The following FAM184A variants were observed in gnomAD, a reference collection of about 807,000 sequenced individuals.
FAM184A encodes family with sequence similarity 184 member A.
In FAM184A, 99 loss-of-function variants were observed where a neutral mutation model predicts 143.8. The observed-to-expected ratio is 0.69, with a 90% CI of 0.58 to 0.81. The LOEUF is 0.81. FAM184A is among the 40% of genes least tolerant of loss of function. The probability of loss-of-function intolerance (pLI) is 0.00; values close to 1 mark genes in which losing one functional copy is unlikely to be tolerated. For synonymous variants in FAM184A, 427 were observed against 446.4 expected (o/e 0.96, Z 0.55); for missense variants, 1,217 against 1,310.5 (o/e 0.93, Z 1.10).
intron 1 of FAM184A, among the ~76,000 whole-genome samples, chr6:119,119,228 T>C (rs539069745): frequency 6.6e-6 from 1 of 152,382 alleles, no homozygotes; most frequent in East Asian, 1.9e-4. Flanking sequence ...GCCCCGGTCC[T>C]GTGGTCCTGC....
At chr6:119,019,884 T>C in intron 4 of FAM184A, 94 bp downstream of exon 4, 4 of 1,131,420 alleles carry the variant, frequency 3.5e-6, no homozygotes, top group Non-Finnish European at 5.0e-6. Context: ...GTATTGTTAC[T>C]GGGGAGTAGC....
rs1293975414 is a variant in FAM184A at position 119,002,976 on chromosome 6, G to A, written c.2011C>T (p.Leu671Phe). 7 of 1,612,994 alleles carry A rather than the reference G, an allele frequency of 4.3e-6. No individual in the cohort carries two copies. The highest frequency in any genetic ancestry group is 5.1e-6 in the Non-Finnish European group (6 of 1,179,576). The change falls in exon 9 of 18, where the codon CTT becomes TTT. Residue 671 changes from leucine to phenylalanine, a missense_variant. By Grantham distance (22) the Leu-to-Phe change is conservative. Transcript: ENST00000338891. ...EEDKKSAMSQ[L>F]LQLKDREKNA... ...TTCTCTCGATCTTTCAACTGCAAAA[G>A]TTGAGACATTGCTGACTTCTTATCC...
intron 1 of FAM184A, among the ~76,000 whole-genome samples, chr6:119,065,731 G>T (rs542991496): frequency 2.0e-5 from 3 of 152,144 alleles, no homozygotes; most frequent in South Asian, 4.2e-4. Context: ...TCAGATCTGA[G>T]ATTTCTCAAA....
chr6:118,970,008 A>ATATATATATTTTTTTT, intron 14 of FAM184A, among the ~76,000 whole-genome samples: 2 of 19,050 alleles, frequency 1.0e-4, no homozygotes, highest in East Asian at 3.0e-3. Flanking sequence ...ATATATATAT[A>ATATATATATTTTTTTT]TTTTTTTTTT....
chr6:118,969,885 A>G (rs1380388816), intron 14 of FAM184A, among the ~76,000 whole-genome samples: 1 of 140,390 alleles, frequency 7.1e-6, no homozygotes, highest in Non-Finnish European at 1.5e-5. Context: ...CTTATGAGTG[A>G]GAACATGTGG....
At chr6:119,128,007 A>G (rs1789419822) in intron 1 of FAM184A, among the ~76,000 whole-genome samples, 1 of 152,166 alleles carries the variant, frequency 6.6e-6, no homozygotes, top group Non-Finnish European at 1.5e-5. Context: ...AACCTGAAAC[A>G]CTAGTTCAGG....
intron 3 of FAM184A, 97 bp downstream of exon 3, chr6:119,022,848 G>C: frequency 6.8e-7 from 1 of 1,469,250 alleles, no homozygotes; most frequent in Non-Finnish European, 9.3e-7. Context: ...CTGCACTCCC[G>C]TCTGGGCGAC....
At chr6:119,136,305 AAAG>A (rs1250523742) in intron 1 of FAM184A, among the ~76,000 whole-genome samples, 2 of 151,624 alleles carry the variant, frequency 1.3e-5, no homozygotes, top group African/African-American at 4.8e-5. Context: ...AAAAAAAAAA[AAAG>A]AATATTTCCA....
chr6:118,975,197 G>C lies in FAM184A; in HGVS notation c.2595C>G (p.His865Gln). ...IDISRRQSKE[H>Q]ICRITDLQEE... ...CTTGTAGATCTGTAATTCTACATAT[G>C]TGCTCCTTACTCTGTTAAAAAAAAA... Residue 865 changes from histidine to glutamine, a missense_variant, in exon 13 of 18, where the codon CAC (histidine) becomes CAG (glutamine). Physicochemically the swap from His to Gln is conservative, Grantham distance 24. Coordinates refer to ENST00000338891, the MANE Select transcript of FAM184A (RefSeq NM_024581.6). 6.3e-7 allele frequency: 1 copy of C among 1,582,202 alleles called. No homozygotes were observed. The highest frequency in any genetic ancestry group is 8.6e-7 in the Non-Finnish European group (1 of 1,165,712).
chr6:119,078,647 C>G lies in FAM184A; in HGVS notation c.-348G>C, dbSNP rs1201062644. The G allele has an allele frequency of 1.1e-5, 2 of 179,692 alleles. No individual in the cohort carries two copies. The highest frequency in any genetic ancestry group is 2.3e-5 in the Non-Finnish European group (2 of 86,298). 11.1% of individuals were successfully genotyped at this position (179,692 alleles called of 1,614,324 possible). A position where few individuals can be genotyped will look rare whatever the true frequency, so the allele number is the denominator to read the frequency against. ...CGCGGGTCCCGCTCGCAGCCCGCAC[C>G]GAGGACTCGGCGAGGCTGCGGAGGG... is the stretch of plus-strand genomic sequence containing the variant. On this transcript the variant is annotated 5_prime_UTR_variant, in exon 1 of 18. Coordinates refer to ENST00000338891, the MANE Select transcript of FAM184A (RefSeq NM_024581.6). This position sits in a 1 kb window ranked among gnomAD's most constrained non-coding sequence, Gnocchi z 5.5.
At chr6:119,142,741 G>A (rs889133706) in intron 1 of FAM184A, among the ~76,000 whole-genome samples, 5 of 152,258 alleles carry the variant, frequency 3.3e-5, no homozygotes, top group Admixed American at 6.5e-5. Flanking sequence ...GTGTCTCCCC[G>A]AAAGATATGT....
chr6:119,005,987 C>T, intron 7 of FAM184A: 1 of 644,226 alleles, frequency 1.6e-6, no homozygotes, highest in Non-Finnish European at 2.9e-6. Flanking sequence ...GAAGTCCTAC[C>T]CTCCCAATAC....
At chr6:119,057,894 T>C (rs1226530297) in intron 1 of FAM184A, 8 of 149,198 alleles carry the variant, frequency 5.4e-5, no homozygotes, top group Non-Finnish European at 8.9e-5. Flanking sequence ...GCTCTGATAG[T>C]AGTGGGTTAT....
At chr6:119,041,519 C>T (rs1344580003) in intron 1 of FAM184A, among the ~76,000 whole-genome samples, 1 of 152,086 alleles carries the variant, frequency 6.6e-6, no homozygotes. Flanking sequence ...GGATATAAAC[C>T]CAGACATTCC....
At chr6:119,112,285 TGCCCG>T (rs1448794133) in intron 1 of FAM184A, among the ~76,000 whole-genome samples, 1 of 151,900 alleles carries the variant, frequency 6.6e-6, no homozygotes, top group Non-Finnish European at 1.5e-5. Context: ...GCACGTTACA[TGCCCG>T]GCTAATTTTG....
intron 15 of FAM184A, among the ~76,000 whole-genome samples, chr6:118,965,558 G>A (rs1483303190): frequency 2.6e-5 from 4 of 152,190 alleles, no homozygotes; most frequent in Non-Finnish European, 5.9e-5. Flanking sequence ...GGAGAATGCA[G>A]GGCTGTGCTC....
chr6:119,107,768 A>G (rs1306979574), intron 1 of FAM184A, among the ~76,000 whole-genome samples: 2 of 127,002 alleles, frequency 1.6e-5, no homozygotes, highest in Non-Finnish European at 3.2e-5. Context: ...ACAGAGTGAG[A>G]CTTTGTCTCA....
At chr6:118,960,798 A>G in intron 17 of FAM184A, 1 of 1,365,916 alleles carries the variant, frequency 7.3e-7, no homozygotes, top group Non-Finnish European at 9.8e-7. Context: ...AAGGCACGCA[A>G]CAATGTGTAA....
At chr6:119,048,834 A>G (rs969251003) in intron 1 of FAM184A, among the ~76,000 whole-genome samples, 1 of 152,150 alleles carries the variant, frequency 6.6e-6, no homozygotes, top group Non-Finnish European at 1.5e-5. Context: ...AAGAATTACA[A>G]AACACTGCTC....
Sources: gnomAD v4.1 joint callset for allele counts (sites outside exome capture counted in the v4.1 genomes callset) on GRCh38, gnomAD v4.1.1 for gene constraint, Gnocchi (gnomAD v3.1) non-coding constraint, MANE v1.5 for transcripts, NCBI Gene and HGNC (gene_info 2026-07-23, HGNC 2026-07-21) for gene names.